Variants in PLEKHN1 observed in about 807,000 individuals in gnomAD.
PLEKHN1 encodes the protein pleckstrin homology domain containing N1, also known as pleckstrin homology domain-containing family N member 1.
PLEKHN1 carries 68 observed loss-of-function variants against 72.8 expected under a neutral mutation model. The ratio of observed to expected loss-of-function variants is 0.93; its 90% CI spans 0.77 to 1.14. The LOEUF (loss-of-function observed/expected upper bound fraction) is 1.14, where lower values mean the gene tolerates loss of function less well. Among genes scored for constraint, PLEKHN1 ranks in the 50% most tolerant of loss-of-function variants. The pLI is 0.00. For synonymous variants in PLEKHN1, 454 were observed against 371.6 expected (o/e 1.22, Z -2.55); for missense variants, 1,015 against 840.5 (o/e 1.21, Z -2.57).
rs1449509998 is a variant in PLEKHN1, at chr1:970,264, C to T, written c.184-13C>T. The T allele has an allele frequency of 3.7e-6, 6 of 1,612,070 alleles. No individual in the cohort carries two copies. The highest frequency in any genetic ancestry group is 5.1e-6 in the Non-Finnish European group (6 of 1,179,542). On this transcript the variant is annotated splice_polypyrimidine_tract_variant and intron_variant, in intron 2 of 15. Transcript: ENST00000379410. The surrounding 1 kb of genome is among the most constrained non-coding windows in gnomAD (Gnocchi z 4.2). ...CAGGGGAGGCCCCCTCCCCTGAGCT[C>T]TACTCCTCCTAGGACATCCTGGACC...
intron 2 of PLEKHN1, among the ~76,000 whole-genome samples, chr1:969,498 ATG>A (rs765463363): frequency 1.7e-4 from 26 of 151,558 alleles, no homozygotes; most frequent in Admixed American, 6.5e-4. Flanking sequence ...ATGTGTGTGC[ATG>A]TGTGTATAGG....
chr1:966,699 C>T lies in PLEKHN1; in HGVS notation c.84-5C>T, dbSNP rs1392416009. 2 of 1,579,020 alleles carry T rather than the reference C, an allele frequency of 1.3e-6. No homozygotes were observed. Among genetic ancestry groups the T allele is most frequent in the Non-Finnish European group, 1.7e-6 (2 of 1,162,636 alleles). On this transcript the variant is annotated splice_region_variant and splice_polypyrimidine_tract_variant and intron_variant, in intron 1 of 15. Transcript: ENST00000379410. ...AAGCCACGAGACCCCTTGCCTTGTC[C>T]CCAGAGAGGACAGCGCGCGGATGTC...
chr1:973,779 G>T, intron 13 of PLEKHN1, 54 bp from the exon 14 acceptor site: 1 of 1,580,050 alleles, frequency 6.3e-7, no homozygotes, highest in African/African-American at 1.3e-5. Flanking sequence ...GGGAGGTTGA[G>T]GTTCTGGGGG....
At position 966,701 on chromosome 1, in the gene PLEKHN1, C is replaced by T; in HGVS notation, c.84-3C>T. 1 of 1,577,688 alleles carries T rather than the reference C, an allele frequency of 6.3e-7. No homozygotes were observed. The highest frequency in any genetic ancestry group is 1.8e-5 in the Admixed American group (1 of 55,086). ...GCCACGAGACCCCTTGCCTTGTCCC[C>T]AGAGAGGACAGCGCGCGGATGTCGG... On this transcript the variant is annotated splice_region_variant and splice_polypyrimidine_tract_variant and intron_variant, in intron 1 of 15. Transcript: ENST00000379410.
In PLEKHN1 at chr1:974,539, G is replaced by A. The variant is rs1224467581; in HGVS notation, c.1800G>A (p.Gly600=). Residue 600 remains glycine, a synonymous_variant, in exon 16 of 16, where the codon GGG becomes GGA. Transcript: ENST00000379410. ...ACCAGAAGTGCCCCCAGCTTGGAGG[G>A]CCTGAGGCCAGTGGGGGGCTTGTGC... ...SSHQKCPQLG[G]PEASGGLVQW... is the part of the protein sequence containing the mutation. 3 of 1,612,364 alleles carry A rather than the reference G, an allele frequency of 1.9e-6. No homozygotes were observed. The highest frequency in any genetic ancestry group is 2.5e-6 in the Non-Finnish European group (3 of 1,179,824).
chr1:970,176 G>A lies in PLEKHN1; in HGVS notation c.184-101G>A. 2.3e-6 allele frequency: 3 copies of A among 1,331,152 alleles called. No homozygotes were observed. Among genetic ancestry groups the A allele is most frequent in the Non-Finnish European group, 2.1e-6 (2 of 967,268 alleles). The allele number at this position is 1,331,152 out of a possible 1,614,324, so 82.5% of individuals were successfully genotyped here. A position where few individuals can be genotyped will look rare whatever the true frequency, so the allele number is the denominator to read the frequency against. ...CTTCACATATGTGTTGTGTGGCTATGCACAGGCAGACCATGCTATAGTCCT... is the reference window on the plus strand; with the variant it reads ...CTTCACATATGTGTTGTGTGGCTATACACAGGCAGACCATGCTATAGTCCT... On this transcript the variant is annotated intron_variant, in intron 2 of 15. Transcript: ENST00000379410. This position sits in a 1 kb window ranked among gnomAD's most constrained non-coding sequence, Gnocchi z 4.2.
rs773713855 is a variant in PLEKHN1 at position 971,320 on chromosome 1, C to T, written c.709-4C>T. The T allele has an allele frequency of 6.4e-7, 1 of 1,571,320 alleles. No individual in the cohort carries two copies. Among genetic ancestry groups the T allele is most frequent in the Non-Finnish European group, 8.6e-7 (1 of 1,158,556 alleles). ...ATCGCCTGACCCCACCCCCACCCAC[C>T]CAGGAGCAGTGGGACCGGCTCTTGG... On this transcript the variant is annotated splice_region_variant and splice_polypyrimidine_tract_variant and intron_variant, in intron 7 of 15. Coordinates refer to ENST00000379410, the MANE Select transcript of PLEKHN1 (RefSeq NM_032129.3).
In PLEKHN1 at chr1:972,359, C is replaced by T. The variant is rs369944151; in HGVS notation, c.937C>T (p.Arg313Cys). Residue 313 changes from arginine to cysteine, a missense_variant, in exon 10 of 16, where the codon CGC (arginine) becomes TGC (cysteine). Coordinates refer to ENST00000379410, the MANE Select transcript of PLEKHN1 (RefSeq NM_032129.3). ...EDYGHWLLCL[R>C]AVTHREGAPP... is the part of the protein sequence containing the mutation. ...CTACGGTCACTGGCTGCTGTGCCTT[C>T]GCGCTGTCACCCACAGGGAGGGGGC... is the stretch of plus-strand genomic sequence containing the variant. The T allele has an allele frequency of 1.7e-5, 27 of 1,604,690 alleles. No individual in the cohort carries two copies. The highest frequency in any genetic ancestry group is 5.6e-5 in the South Asian group (5 of 89,720).
At chr1:972,512 T>C in intron 10 of PLEKHN1, 88 bp downstream of exon 10, 2 of 1,420,472 alleles carry the variant, frequency 1.4e-6, no homozygotes, top group Non-Finnish European at 1.9e-6. Flanking sequence ...ACGCCTGTAA[T>C]CCCAGCATTT....
chr1:966,900 C>A, intron 2 of PLEKHN1, 97 bp downstream of exon 2: 1 of 1,347,062 alleles, frequency 7.4e-7, no homozygotes, highest in Non-Finnish European at 9.9e-7. Context: ...TCCCCTCGCC[C>A]CCGGGGCGTT....
chr1:971,417 C>T lies in PLEKHN1; in HGVS notation c.789+13C>T. On this transcript the variant is annotated intron_variant, in intron 8 of 15. Transcript: ENST00000379410. ...GCTTTGCTTCAAGGTGGGCCCCTCC[C>T]CACTGTGGGCCCGCCCCAGGGAGGC... 6.4e-7 allele frequency: 1 copy of T among 1,561,832 alleles called. No homozygotes were observed. Among genetic ancestry groups the T allele is most frequent in the Middle Eastern group, 2.2e-4 (1 of 4,490 alleles).
Position 974,705 on chromosome 1 carries a change from T to C in PLEKHN1, c.*130T>C. On this transcript the variant is annotated 3_prime_UTR_variant, in exon 16 of 16. Transcript: ENST00000379410. ...TGGGGGGAGTCTCTGGGGCCCTGAG[T>C]TCAGAGCCCGTCCCTCAGCTCCTGT... 2.5e-6 allele frequency: 3 copies of C among 1,208,576 alleles called. No homozygotes were observed. The highest frequency in any genetic ancestry group is 3.4e-6 in the Non-Finnish European group (3 of 888,516). The allele number at this position is 1,208,576 out of a possible 1,614,324, so 74.9% of individuals were successfully genotyped here.
intron 7 of PLEKHN1, 21 bp from the exon 8 acceptor site, chr1:971,303 A>ACCCCC: frequency 1.1e-4 from 165 of 1,494,540 alleles, no homozygotes; most frequent in Non-Finnish European, 1.4e-4. Flanking sequence ...TCATCGCCTG[A>ACCCCC]CCCCACCCCC....
chr1:973,750 G>C (rs1330794443), intron 13 of PLEKHN1, 83 bp from the exon 14 acceptor site: 2 of 1,562,800 alleles, frequency 1.3e-6, no homozygotes, highest in Non-Finnish European at 1.7e-6. Flanking sequence ...CCAAGCCTGA[G>C]GTCTGTTCAG....
intron 8 of PLEKHN1, 106 bp from the exon 9 acceptor site, chr1:971,969 C>G (rs1164943818): frequency 1.7e-6 from 2 of 1,147,392 alleles, no homozygotes; most frequent in Non-Finnish European, 2.5e-6. Flanking sequence ...GTGCCCAGCT[C>G]TCCAAGTACC....
rs769364796 is a variant in PLEKHN1, at chr1:974,372, A to G, written c.1702+8A>G. 1 of 1,612,988 alleles carries G rather than the reference A, an allele frequency of 6.2e-7. No homozygotes were observed. Among genetic ancestry groups the G allele is most frequent in the South Asian group, 1.1e-5 (1 of 91,086 alleles). ...CCTGGCTGCCTCTGACAGGTGAGTA[A>G]GGATCCTGCCTCCTGAGGTGAGTGC... On this transcript the variant is annotated splice_region_variant and intron_variant, in intron 15 of 15. Transcript: ENST00000379410.
In PLEKHN1 at chr1:973,345, C is replaced by T. The variant is rs1179769278; in HGVS notation, c.1293+19C>T. Reference sequence around the variant, plus strand: ...GACCCAGGTGGGCCCAGCACACCCACACAGCCCCTGGCCTGGTTCCCACCG... The same window carrying T: ...GACCCAGGTGGGCCCAGCACACCCATACAGCCCCTGGCCTGGTTCCCACCG... On this transcript the variant is annotated intron_variant, in intron 12 of 15. Transcript: ENST00000379410. The T allele has an allele frequency of 4.5e-6, 7 of 1,553,426 alleles. No homozygotes were observed. The highest frequency in any genetic ancestry group is 6.1e-6 in the Non-Finnish European group (7 of 1,146,372).
In PLEKHN1 at chr1:970,233, G is replaced by A. The variant is rs1643233379; in HGVS notation, c.184-44G>A. ...GTGTGGATGCGAGCGGAGGGGGTGG[G>A]GGGCCCAGGGGAGGCCCCCTCCCCT... On this transcript the variant is annotated intron_variant, in intron 2 of 15. Coordinates refer to ENST00000379410, the MANE Select transcript of PLEKHN1 (RefSeq NM_032129.3). This position sits in a 1 kb window ranked among gnomAD's most constrained non-coding sequence, Gnocchi z 4.2. 6.3e-7 allele frequency: 1 copy of A among 1,598,856 alleles called. No homozygotes were observed. Among genetic ancestry groups the A allele is most frequent in the Non-Finnish European group, 8.5e-7 (1 of 1,172,400 alleles).
At chr1:969,724 A>G (rs1643199983) in intron 2 of PLEKHN1, among the ~76,000 whole-genome samples, 1 of 150,766 alleles carries the variant, frequency 6.6e-6, no homozygotes, top group Admixed American at 6.6e-5. Context: ...GTGTGTATGC[A>G]TCTGTGTCTG....
Sources: allele counts gnomAD v4.1 joint callset (sites outside exome capture counted in the v4.1 genomes callset), GRCh38; gene constraint gnomAD v4.1.1; non-coding constraint Gnocchi (gnomAD v3.1); transcripts MANE v1.5; gene names NCBI Gene and HGNC (gene_info 2026-07-23, HGNC 2026-07-21).